The following SLC22A2 variants were observed in gnomAD, a reference collection of about 807,000 sequenced individuals.
The protein encoded by SLC22A2 is organic cation transporter 2.
In SLC22A2, 46 loss-of-function variants were observed where a neutral mutation model predicts 60.5. The ratio of observed to expected loss-of-function variants is 0.76; its 90% CI spans 0.60 to 0.97. SLC22A2 has a LOEUF of 0.97. SLC22A2 is among the 50% of genes least tolerant of loss of function. The probability of loss-of-function intolerance (pLI) is 0.00; values close to 1 mark genes in which losing one functional copy is unlikely to be tolerated. For synonymous variants in SLC22A2, 303 were observed against 267.0 expected (o/e 1.13, Z -1.31); for missense variants, 701 against 706.6 (o/e 0.99, Z 0.09).
At chr6:160,236,077 C>T (rs1367921520) in intron 9 of SLC22A2, among the ~76,000 whole-genome samples, 5 of 152,216 alleles carry the variant, frequency 3.3e-5, no homozygotes. Flanking sequence ...ACTGTGGCTG[C>T]CCTAAGACTT....
rs568116689 is a variant in SLC22A2 at position 160,256,659 on chromosome 6, A to G, written c.473T>C (p.Val158Ala). 4 of 1,614,114 alleles carry G rather than the reference A, an allele frequency of 2.5e-6. No individual in the cohort carries two copies. Among genetic ancestry groups the G allele is most frequent in the Admixed American group, 1.7e-5 (1 of 60,030 alleles). ...MLDLFQSSVN[V>A]GFFIGSMSIG... ...ACTCATAGAGCCAATAAAGAATCCT[A>G]CATTCACTGATGACTGGAATAGGTC... The change falls in exon 2 of 11, where the codon GTA becomes GCA. Residue 158 changes from valine (V) to alanine (A), a missense_variant. Physicochemically the swap from Val to Ala is moderately conservative, Grantham distance 64. Coordinates refer to ENST00000366953, the MANE Select transcript of SLC22A2 (RefSeq NM_003058.4).
Position 160,241,606 on chromosome 6 carries a change from TTTAACTTG to T in SLC22A2, c.1389-28_1389-21del, listed in dbSNP as rs1562435195. 6.6e-7 allele frequency: 1 copy of T among 1,511,386 alleles called. No individual in the cohort carries two copies. 93.6% of individuals were successfully genotyped at this position (1,511,386 alleles called of 1,614,324 possible). On this transcript the variant is annotated intron_variant, in intron 8 of 10. Transcript: ENST00000366953. ...AGATTCCTAGAATGCAGGAAACTGA[TTTAACTTG>T]TTAACTTATCACAGTGCAGTAGTTA...
intron 3 of SLC22A2, 23 bp from the exon 4 acceptor site, chr6:160,249,407 T>C: frequency 1.2e-6 from 2 of 1,602,096 alleles, no homozygotes; most frequent in Non-Finnish European, 1.7e-6. Context: ...TTTGAATGGT[T>C]AATGCAATTC....
At chr6:160,250,363 A>T in intron 3 of SLC22A2, 185 bp downstream of exon 3, 1 of 600,578 alleles carries the variant, frequency 1.7e-6, no homozygotes. Flanking sequence ...TCATTTTTTT[A>T]GTTTATAAGG....
chr6:160,239,217 C>T (rs768079970), intron 9 of SLC22A2, among the ~76,000 whole-genome samples: 16 of 152,136 alleles, frequency 1.1e-4, no homozygotes, highest in South Asian at 6.2e-4. Context: ...TGGTGATGTC[C>T]GGAAGTCACC....
At chr6:160,245,941 C>A (rs984372269) in intron 5 of SLC22A2, among the ~76,000 whole-genome samples, 3 of 149,542 alleles carry the variant, frequency 2.0e-5, no homozygotes, top group African/African-American at 7.4e-5. Flanking sequence ...GATCTTGGCT[C>A]ACTGAAACAT....
rs1783109779 is a variant in SLC22A2 at position 160,247,229 on chromosome 6, C to T, written c.912G>A (p.Lys304=). Residue 304 remains lysine (K), a synonymous_variant, in exon 5 of 11, where the codon AAG becomes AAA. Transcript: ENST00000366953. ...ATTTTCCATTTTTCTTTGCGATGTG[C>T]TTAATGATTCTCATGGCTTCAGCAT... ...NKNAEAMRII[K]HIAKKNGKSL... 4 of 1,613,572 alleles carry T rather than the reference C, an allele frequency of 2.5e-6. No individual in the cohort carries two copies. The African/African-American group carries it at 4.0e-5, about 16-fold the overall frequency.
At chr6:160,240,821 G>T (rs529016694) in intron 9 of SLC22A2, among the ~76,000 whole-genome samples, 18 of 152,238 alleles carry the variant, frequency 1.2e-4, no homozygotes, top group Non-Finnish European at 2.6e-4. Context: ...GCCTGAAATG[G>T]GTGCATTGAG....
intron 7 of SLC22A2, among the ~76,000 whole-genome samples, chr6:160,242,839 C>G (rs959192700): frequency 6.6e-5 from 10 of 152,130 alleles, no homozygotes; most frequent in Admixed American, 5.9e-4. Flanking sequence ...TGGTACACCT[C>G]CTGTGGGTTT....
chr6:160,246,016 C>T (rs1783089436), intron 5 of SLC22A2, among the ~76,000 whole-genome samples: 1 of 150,906 alleles, frequency 6.6e-6, no homozygotes, highest in African/African-American at 2.4e-5. Context: ...TACAGGCATC[C>T]GCCACCATGC....
intron 10 of SLC22A2, chr6:160,217,940 A>C (rs963487746): frequency 1.3e-5 from 2 of 158,606 alleles, no homozygotes; most frequent in African/African-American, 2.4e-5. Flanking sequence ...ACATTTGTTC[A>C]AATTGCAAGT....
chr6:160,232,528 A>G (rs541828273), intron 9 of SLC22A2, among the ~76,000 whole-genome samples: 1 of 151,826 alleles, frequency 6.6e-6, no homozygotes, highest in East Asian at 1.9e-4. Flanking sequence ...ATGGGCAGAA[A>G]GAAATTTCTC....
intron 9 of SLC22A2, among the ~76,000 whole-genome samples, chr6:160,227,479 C>T (rs541891201): frequency 1.3e-5 from 2 of 152,316 alleles, no homozygotes; most frequent in Non-Finnish European, 2.9e-5. Context: ...TGATGGATGG[C>T]TTTTGTCTGC....
chr6:160,225,192 C>G (rs1346092452), intron 9 of SLC22A2, among the ~76,000 whole-genome samples: 1 of 152,098 alleles, frequency 6.6e-6, no homozygotes, highest in East Asian at 1.9e-4. Flanking sequence ...TGGATCATTT[C>G]TAGCAAATAA....
intron 6 of SLC22A2, chr6:160,244,429 G>A (rs315995): frequency 0.7 from 106,317 of 152,170 alleles, 38,987 homozygotes; most frequent in Admixed American, 0.82. Flanking sequence ...GTGGTTGTGA[G>A]TTATTTCTCT....
In SLC22A2 at chr6:160,217,495, T is replaced by C; in HGVS notation, c.1605A>G (p.Pro535=). 1 of 1,571,968 alleles carries C rather than the reference T, an allele frequency of 6.4e-7. No individual in the cohort carries two copies. The change falls in exon 11 of 11, where the codon CCA becomes CCG. Residue 535 remains proline, a synonymous_variant. Transcript: ENST00000366953. ...AAATCATCTTTTCTTTATTTTTTCT[T>C]GGTCTGCAATAAGAAATAAAAATGG... ...TIEEAENMQR[P]RKNKEKMIYL...
intron 2 of SLC22A2, among the ~76,000 whole-genome samples, chr6:160,253,922 A>G (rs1783227219): frequency 6.6e-6 from 1 of 152,198 alleles, no homozygotes; most frequent in Admixed American, 6.5e-5. Flanking sequence ...TAAACACTAC[A>G]AACTGGGGCT....
At chr6:160,238,162 G>A (rs186090587) in intron 9 of SLC22A2, among the ~76,000 whole-genome samples, 9 of 152,304 alleles carry the variant, frequency 5.9e-5, no homozygotes, top group Admixed American at 5.9e-4. Context: ...ATTCCTTCTT[G>A]TGTGAGATCC....
chr6:160,222,198 A>G (rs886629701), intron 10 of SLC22A2, among the ~76,000 whole-genome samples: 2 of 152,232 alleles, frequency 1.3e-5, no homozygotes, highest in South Asian at 4.1e-4. Context: ...TGTAACTAGG[A>G]CAGGTTTAGT....
Sources: gnomAD v4.1 joint callset for allele counts (sites outside exome capture counted in the v4.1 genomes callset) on GRCh38, gnomAD v4.1.1 for gene constraint, MANE v1.5 for transcripts, NCBI Gene and HGNC (gene_info 2026-07-23, HGNC 2026-07-21) for gene names.